Variants in SRBD1 observed in about 807,000 individuals in gnomAD.
SRBD1 encodes the protein S1 RNA-binding domain-containing protein 1.
In SRBD1, 88 loss-of-function variants were observed where a neutral mutation model predicts 115.3. The ratio of observed to expected loss-of-function variants is 0.76; its 90% CI spans 0.64 to 0.91. SRBD1 has a LOEUF of 0.91. Ranked by LOEUF, SRBD1 falls within the 40% of genes least tolerant of loss-of-function variation. SRBD1 has a pLI of 0.00. For missense variants in SRBD1, 1,385 were observed against 1,177.4 expected (o/e 1.18, Z -2.58); for synonymous variants, 509 against 407.7 (o/e 1.25, Z -2.99).
At chr2:45,496,523 TG>T (rs1227790204) in intron 14 of SRBD1, among the ~76,000 whole-genome samples, 1 of 152,196 alleles carries the variant, frequency 6.6e-6, no homozygotes, top group Non-Finnish European at 1.5e-5. Context: ...CGATATACTT[TG>T]CCGGCAACAA....
intron 19 of SRBD1, among the ~76,000 whole-genome samples, chr2:45,410,917 AT>A (rs1431394627): frequency 6.6e-6 from 1 of 151,898 alleles, no homozygotes; most frequent in Non-Finnish European, 1.5e-5. Context: ...ACCTTTCCCT[AT>A]ACATCTTCTT....
chr2:45,480,138 A>G (rs897902059), intron 15 of SRBD1, among the ~76,000 whole-genome samples: 3 of 152,200 alleles, frequency 2.0e-5, no homozygotes, highest in African/African-American at 7.2e-5. Flanking sequence ...CCTGTCATCC[A>G]AGAGCTCTGA....
At chr2:45,537,626 G>T (rs1572748133) in intron 14 of SRBD1, among the ~76,000 whole-genome samples, 2 of 152,102 alleles carry the variant, frequency 1.3e-5, no homozygotes, top group Non-Finnish European at 2.9e-5. Context: ...GGTGTGTTTT[G>T]GGGGGAGGGA....
At chr2:45,516,787 A>C (rs1671132331) in intron 14 of SRBD1, among the ~76,000 whole-genome samples, 1 of 152,216 alleles carries the variant, frequency 6.6e-6, no homozygotes, top group Non-Finnish European at 1.5e-5. Context: ...AGGAATTTTA[A>C]CATGGTTCTG....
intron 10 of SRBD1, among the ~76,000 whole-genome samples, chr2:45,560,972 C>T (rs1407001366): frequency 6.6e-6 from 1 of 151,180 alleles, no homozygotes; most frequent in Non-Finnish European, 1.5e-5. Flanking sequence ...GTTTAGCCAG[C>T]GGTATGCACC....
intron 9 of SRBD1, among the ~76,000 whole-genome samples, chr2:45,572,740 T>C (rs773497221): frequency 9.2e-5 from 14 of 152,284 alleles, no homozygotes; most frequent in African/African-American, 2.9e-4. Context: ...AATGTAGATA[T>C]AGCCTACGAC....
chr2:45,440,031 G>T (rs896567879), intron 16 of SRBD1, among the ~76,000 whole-genome samples: 1 of 152,010 alleles, frequency 6.6e-6, no homozygotes, highest in Non-Finnish European at 1.5e-5. Context: ...TCTATATAAA[G>T]TATTTTGTAA....
rs899600217 is a variant in SRBD1 at position 45,596,931 on chromosome 2, C to CACAT, written c.648+2517_648+2518insATGT. ...AGAGAACACCCCCCCACAACCCTAA[C>CACAT]ACACACACACACACACACACCCACA... On this transcript the variant is annotated intron_variant, in intron 4 of 20. Transcript: ENST00000263736. Among the ~76,000 whole-genome samples, 16 of 143,510 alleles carry CACAT rather than the reference C, an allele frequency of 1.1e-4. No homozygotes were observed. In the East Asian group the frequency reaches 3.0e-3, roughly 27 times the overall value. 94.1% of individuals were successfully genotyped at this position (143,510 alleles called of 152,430 possible). A position where few individuals can be genotyped will look rare whatever the true frequency, so the allele number is the denominator to read the frequency against.
At chr2:45,402,100 G>A (rs549518168) in intron 19 of SRBD1, among the ~76,000 whole-genome samples, 2 of 152,160 alleles carry the variant, frequency 1.3e-5, no homozygotes, top group South Asian at 2.1e-4. Context: ...TTAGCTCCAC[G>A]GCAGGGAGCT....
intron 14 of SRBD1, among the ~76,000 whole-genome samples, chr2:45,543,839 G>A (rs1280812106): frequency 6.6e-6 from 1 of 152,122 alleles, no homozygotes; most frequent in Non-Finnish European, 1.5e-5. Flanking sequence ...TGGTTCAACT[G>A]TAGAAAATAG....
At chr2:45,586,959 A>C (rs920911994) in intron 4 of SRBD1, among the ~76,000 whole-genome samples, 1 of 146,646 alleles carries the variant, frequency 6.8e-6, no homozygotes, top group South Asian at 2.1e-4. Context: ...AAATTATTTT[A>C]AATTATAAAT....
chr2:45,546,102 A>C (rs1672111645), intron 14 of SRBD1: 1 of 933,072 alleles, frequency 1.1e-6, no homozygotes. Flanking sequence ...TTGGAAAAGG[A>C]AGACATGACT....
At chr2:45,413,349 G>C (rs1667663131) in intron 18 of SRBD1, 56 bp from the exon 19 acceptor site, 2 of 1,555,510 alleles carry the variant, frequency 1.3e-6, no homozygotes, top group South Asian at 1.2e-5. Context: ...GGGCAGAAAA[G>C]TCTTCAAATT....
chr2:45,609,342 G>A (rs1163595951), intron 1 of SRBD1, among the ~76,000 whole-genome samples: 4 of 151,994 alleles, frequency 2.6e-5, no homozygotes, highest in African/African-American at 4.8e-5. Flanking sequence ...CCTCCAAAAT[G>A]TCTTGAATCT....
chr2:45,421,290 G>A (rs970161116), intron 16 of SRBD1, among the ~76,000 whole-genome samples: 2 of 151,778 alleles, frequency 1.3e-5, no homozygotes, highest in Non-Finnish European at 2.9e-5. Flanking sequence ...GGCGGATCAC[G>A]AGCTCAGAAG....
intron 20 of SRBD1, 80 bp from the exon 21 acceptor site, chr2:45,389,679 A>T: frequency 7.4e-7 from 1 of 1,353,290 alleles, no homozygotes; most frequent in Non-Finnish European, 1.0e-6. Context: ...AGTACTTACT[A>T]CATACTATGT....
intron 1 of SRBD1, among the ~76,000 whole-genome samples, chr2:45,606,656 G>T (rs1674283864): frequency 6.6e-6 from 1 of 151,990 alleles, no homozygotes; most frequent in African/African-American, 2.4e-5. Flanking sequence ...AAATTCGAAG[G>T]CCAAGCTGTA....
chr2:45,606,693 G>A (rs1674284751), intron 1 of SRBD1, among the ~76,000 whole-genome samples: 1 of 152,122 alleles, frequency 6.6e-6, no homozygotes, highest in African/African-American at 2.4e-5. Context: ...AATAACCAGA[G>A]ACATCACATA....
intron 16 of SRBD1, among the ~76,000 whole-genome samples, chr2:45,420,149 G>T (rs889258780): frequency 4.6e-5 from 7 of 152,284 alleles, no homozygotes; most frequent in Admixed American, 2.0e-4. Context: ...TGTGCCCAGA[G>T]CAGTGGTTCT....
Sources: allele counts gnomAD v4.1 joint callset (sites outside exome capture counted in the v4.1 genomes callset), GRCh38; gene constraint gnomAD v4.1.1; transcripts MANE v1.5; gene names NCBI Gene and HGNC (gene_info 2026-07-23, HGNC 2026-07-21).